FRMD4A: variants seen among roughly 807,000 people sequenced by gnomAD.
FRMD4A encodes the protein FERM domain containing 4A.
In FRMD4A, 29 loss-of-function variants were observed where a neutral mutation model predicts 129.1. That is an observed-to-expected ratio of 0.22 (90% confidence interval 0.17 to 0.31). The LOEUF (loss-of-function observed/expected upper bound fraction) is 0.31, where lower values mean the gene tolerates loss of function less well. Among genes scored for constraint, FRMD4A ranks in the 10% least tolerant of loss-of-function variants. FRMD4A has a pLI of 1.00. For missense variants in FRMD4A, 1,272 were observed against 1,375.8 expected (o/e 0.92, Z 1.19); for synonymous variants, 634 against 571.6 (o/e 1.11, Z -1.56).
chr10:14,329,940 GA>G, intron 2 of FRMD4A, 117 bp downstream of exon 2: 1 of 924,682 alleles, frequency 1.1e-6, no homozygotes, highest in South Asian at 1.4e-5. Flanking sequence ...GAGCCTGCGG[GA>G]TAAAGCGGAG....
intron 2 of FRMD4A, among the ~76,000 whole-genome samples, chr10:14,304,920 C>A (rs566274387): frequency 1.4e-4 from 21 of 152,306 alleles, no homozygotes; most frequent in African/African-American, 4.6e-4. Flanking sequence ...CCACAGTGGT[C>A]TGAATGTGTG....
chr10:13,748,210 G>A (rs61102910), intron 8 of FRMD4A, among the ~76,000 whole-genome samples: 121 of 152,256 alleles, frequency 7.9e-4, no homozygotes, highest in Admixed American at 2.4e-3. Flanking sequence ...GAACCCCGCC[G>A]TTAGGCTCAC....
chr10:14,286,315 G>A (rs1245931000), intron 2 of FRMD4A, among the ~76,000 whole-genome samples: 1 of 152,164 alleles, frequency 6.6e-6, no homozygotes, highest in Non-Finnish European at 1.5e-5. Context: ...TTCTTAGACT[G>A]TCTCTTGAAT....
At chr10:13,813,729 T>C (rs1332031123) in intron 3 of FRMD4A, among the ~76,000 whole-genome samples, 1 of 152,246 alleles carries the variant, frequency 6.6e-6, no homozygotes, top group African/African-American at 2.4e-5. Flanking sequence ...AGTTGTTTAC[T>C]CTTGTGACTG....
At chr10:13,805,967 C>T (rs773950313) in intron 4 of FRMD4A, among the ~76,000 whole-genome samples, 11 of 151,998 alleles carry the variant, frequency 7.2e-5, no homozygotes, top group Non-Finnish European at 1.5e-4. Flanking sequence ...AAGCAATGCT[C>T]GTGTGTCAGC....
At chr10:13,860,444 C>T (rs2094278813) in intron 2 of FRMD4A, among the ~76,000 whole-genome samples, 1 of 152,198 alleles carries the variant, frequency 6.6e-6, no homozygotes, top group Non-Finnish European at 1.5e-5. Flanking sequence ...TGAAATAGCT[C>T]CAACGCTCCT....
intron 2 of FRMD4A, among the ~76,000 whole-genome samples, chr10:14,012,859 G>A (rs151170476): frequency 3.3e-5 from 5 of 152,276 alleles, no homozygotes; most frequent in African/African-American, 9.6e-5. Context: ...ATGTGCATCT[G>A]ACCTCAGAAC....
At chr10:13,693,461 T>C in intron 15 of FRMD4A, 1 of 1,106,520 alleles carries the variant, frequency 9.0e-7, no homozygotes, top group Non-Finnish European at 1.1e-6. Flanking sequence ...TTCCGCATTT[T>C]TAAAAGCCGG....
Position 14,330,792 on chromosome 10 carries a change from T to G in FRMD4A, c.-277A>C. On this transcript the variant is annotated 5_prime_UTR_variant, in exon 1 of 25. Coordinates refer to ENST00000357447, the MANE Select transcript of FRMD4A (RefSeq NM_018027.5). ...CCTTCCACCTTCCCCAGATCTACTT[T>G]TCCTCTCCAAGTAGACTGGCCAGCT... 2.5e-6 allele frequency: 1 copy of G among 398,816 alleles called. No individual in the cohort carries two copies. The highest frequency in any genetic ancestry group is 4.4e-6 in the Non-Finnish European group (1 of 226,250). 24.7% of individuals were successfully genotyped at this position (398,816 alleles called of 1,614,324 possible).
chr10:14,203,024 T>A (rs1330719424), intron 2 of FRMD4A, among the ~76,000 whole-genome samples: 1 of 151,510 alleles, frequency 6.6e-6, no homozygotes, highest in Non-Finnish European at 1.5e-5. Flanking sequence ...CCACCTACCT[T>A]GGCCTCCCAA....
intron 2 of FRMD4A, among the ~76,000 whole-genome samples, chr10:13,940,012 C>T (rs1289146190): frequency 2.0e-5 from 3 of 152,094 alleles, no homozygotes. Flanking sequence ...GAGAAAACAA[C>T]TTAATACTTG....
intron 2 of FRMD4A, among the ~76,000 whole-genome samples, chr10:13,896,770 T>C (rs550290906): frequency 3.3e-5 from 5 of 151,940 alleles, no homozygotes; most frequent in Non-Finnish European, 5.9e-5. Flanking sequence ...AATGAAAACA[T>C]AAAAAGAAAT....
chr10:14,039,436 TGGAACCCCAAA>T (rs1316050113), intron 2 of FRMD4A, among the ~76,000 whole-genome samples: 7 of 140,618 alleles, frequency 5.0e-5, no homozygotes, highest in African/African-American at 2.2e-4. Context: ...CTATCTATAT[TGGAACCCCAAA>T]ATCAATCAAT....
chr10:14,078,665 G>C (rs1439989779), intron 2 of FRMD4A, among the ~76,000 whole-genome samples: 3 of 152,134 alleles, frequency 2.0e-5, no homozygotes, highest in Non-Finnish European at 4.4e-5. Context: ...TCATGGTGGG[G>C]GGTATGACCA....
At chr10:14,174,082 A>G (rs1232768378) in intron 2 of FRMD4A, among the ~76,000 whole-genome samples, 2 of 151,900 alleles carry the variant, frequency 1.3e-5, no homozygotes, top group Admixed American at 1.3e-4. Flanking sequence ...GTCTCCTGCA[A>G]GTTACTCTCT....
chr10:14,296,380 C>A (rs1220007963), intron 2 of FRMD4A, among the ~76,000 whole-genome samples: 1 of 152,176 alleles, frequency 6.6e-6, no homozygotes, highest in Non-Finnish European at 1.5e-5. Flanking sequence ...CAACCTCATT[C>A]CCCTGGCTGT....
At chr10:14,276,104 A>G (rs1057312083) in intron 2 of FRMD4A, among the ~76,000 whole-genome samples, 3 of 152,212 alleles carry the variant, frequency 2.0e-5, no homozygotes, top group Non-Finnish European at 4.4e-5. Context: ...GGCCCTGTTG[A>G]TGCTTGGCAT....
Position 13,657,135 on chromosome 10 carries a change from G to GCCCC in FRMD4A, c.2450_2453dup (p.Val820ArgfsTer181). ...GGCTCTGGCTGTGCAGGTACACACC[G>GCCCC]CCCCCCGCGCCCCCCGCGCCCCCCG... On this transcript the variant is annotated frameshift_variant, in exon 22 of 25. Coordinates refer to ENST00000357447, the MANE Select transcript of FRMD4A (RefSeq NM_018027.5). LOFTEE classifies it high-confidence loss of function. 7.2e-7 allele frequency: 1 copy of GCCCC among 1,393,904 alleles called. No individual in the cohort carries two copies. Among genetic ancestry groups the GCCCC allele is most frequent in the Non-Finnish European group, 9.5e-7 (1 of 1,049,276 alleles). 86.3% of individuals were successfully genotyped at this position (1,393,904 alleles called of 1,614,324 possible).
At chr10:13,964,267 A>T (rs2095468689) in intron 2 of FRMD4A, among the ~76,000 whole-genome samples, 2 of 152,262 alleles carry the variant, frequency 1.3e-5, no homozygotes, top group South Asian at 4.1e-4. Context: ...AACCAAACAC[A>T]ATCCCCCTCC....
Sources: allele counts gnomAD v4.1 joint callset (sites outside exome capture counted in the v4.1 genomes callset), GRCh38; gene constraint gnomAD v4.1.1; transcripts MANE v1.5; gene names NCBI Gene and HGNC (gene_info 2026-07-23, HGNC 2026-07-21).